GPR158: variants seen among roughly 807,000 people sequenced by gnomAD.
GPR158 encodes the protein G protein-coupled receptor 158.
Under a neutral mutation model 78.2 loss-of-function variants are expected in GPR158, and 30 were observed. That is an observed-to-expected ratio of 0.38 (90% confidence interval 0.29 to 0.52). GPR158 has a LOEUF of 0.52. Among genes scored for constraint, GPR158 ranks in the 20% least tolerant of loss-of-function variants. GPR158 has a pLI of 0.83. For synonymous variants in GPR158, 581 were observed against 591.1 expected, an observed-to-expected ratio of 0.98 and a Z score of 0.25; for missense variants, 1,463 against 1,523.5, an observed-to-expected ratio of 0.96 and a Z score of 0.66.
At chr10:25,493,449 G>A (rs1464049870) in intron 5 of GPR158, among the ~76,000 whole-genome samples, 4 of 152,022 alleles carry the variant, frequency 2.6e-5, no homozygotes, top group South Asian at 2.1e-4. Flanking sequence ...TTTTTAAAGC[G>A]TTCACTGACT....
chr10:25,575,444 G>T (rs573585697), intron 7 of GPR158, among the ~76,000 whole-genome samples: 1 of 152,084 alleles, frequency 6.6e-6, no homozygotes, highest in African/African-American at 2.4e-5. Context: ...CCCAGAACCC[G>T]CAGCAGCGGC....
intron 6 of GPR158, among the ~76,000 whole-genome samples, chr10:25,566,350 T>C (rs115083525): frequency 0.022 from 3,403 of 152,264 alleles, 57 homozygotes; most frequent in African/African-American, 0.039. Flanking sequence ...TCAATATTAT[T>C]CATCCCGGAC....
intron 2 of GPR158, among the ~76,000 whole-genome samples, chr10:25,378,752 C>T (rs530192320): frequency 4.6e-5 from 7 of 152,158 alleles, no homozygotes; most frequent in South Asian, 2.1e-4. Context: ...AAGATATCAG[C>T]ACCATTTAAC....
intron 5 of GPR158, among the ~76,000 whole-genome samples, chr10:25,509,215 A>G (rs988320466): frequency 2.0e-5 from 3 of 152,132 alleles, no homozygotes; most frequent in East Asian, 1.9e-4. Context: ...TGGGAGCACA[A>G]TCGCTTCTGA....
chr10:25,547,403 C>T lies in GPR158; in HGVS notation c.1405-3573C>T, dbSNP rs1387460185. ...GCTTTCTTTACATGATTCCTCTTGT[C>T]TTACTGGCTGTAACTATACGCTCCA... On this transcript the variant is annotated intron_variant, in intron 5 of 10. Transcript: ENST00000376351. Among the ~76,000 whole-genome samples, 10 of 152,258 alleles carry T rather than the reference C, an allele frequency of 6.6e-5. No homozygotes were observed. The South Asian group carries it at 8.3e-4, about 13-fold the overall frequency.
At chr10:25,381,923 G>A (rs1001227629) in intron 2 of GPR158, among the ~76,000 whole-genome samples, 1 of 152,162 alleles carries the variant, frequency 6.6e-6, no homozygotes, top group African/African-American at 2.4e-5. Flanking sequence ...TTTTGCTTGC[G>A]GGTTTTAAGC....
At chr10:25,447,952 C>G (rs765507261) in intron 4 of GPR158, among the ~76,000 whole-genome samples, 2 of 152,170 alleles carry the variant, frequency 1.3e-5, no homozygotes, top group Non-Finnish European at 2.9e-5. Flanking sequence ...GCAGTCAGTC[C>G]CACACCTCTC....
intron 1 of GPR158, among the ~76,000 whole-genome samples, chr10:25,219,499 C>T (rs958089499): frequency 2.0e-5 from 3 of 152,138 alleles, no homozygotes; most frequent in African/African-American, 7.2e-5. Context: ...GAATGATCAG[C>T]GTGTTTTCTG....
intron 2 of GPR158, among the ~76,000 whole-genome samples, chr10:25,232,239 G>T (rs187382730): frequency 2.6e-5 from 4 of 152,264 alleles, no homozygotes; most frequent in African/African-American, 9.6e-5. Flanking sequence ...TACAGTGAGT[G>T]CCTGAGGGTG....
At chr10:25,332,391 G>GGTTTAC (rs1564424618) in intron 2 of GPR158, among the ~76,000 whole-genome samples, 6 of 152,264 alleles carry the variant, frequency 3.9e-5, no homozygotes, top group Admixed American at 3.9e-4. Context: ...AGCCTATGAT[G>GGTTTAC]TTGGTTTACT....
rs779541090 is a variant in GPR158, at chr10:25,175,403, C to T, written c.-18C>T. On this transcript the variant is annotated 5_prime_UTR_variant, in exon 1 of 11. Coordinates refer to ENST00000376351, the MANE Select transcript of GPR158 (RefSeq NM_020752.3). This position sits in a 1 kb window ranked among gnomAD's most constrained non-coding sequence, Gnocchi z 6.4. ...ATTCCCCCCCCTCCCGTTCCCTCCTCTTCTCTCTGGGAGGCAGATGGGAGC... is the reference window on the plus strand; with the variant it reads ...ATTCCCCCCCCTCCCGTTCCCTCCTTTTCTCTCTGGGAGGCAGATGGGAGC... The T allele has an allele frequency of 1.7e-5, 25 of 1,477,164 alleles. No homozygotes were observed. The highest frequency in any genetic ancestry group is 2.2e-5 in the Non-Finnish European group (24 of 1,097,618). The allele number at this position is 1,477,164 out of a possible 1,614,324, so 91.5% of individuals were successfully genotyped here.
intron 2 of GPR158, among the ~76,000 whole-genome samples, chr10:25,384,773 T>G (rs1834200568): frequency 6.6e-6 from 1 of 152,112 alleles, no homozygotes; most frequent in Admixed American, 6.5e-5. Context: ...CAGTAATATC[T>G]CCATACAAAT....
intron 2 of GPR158, among the ~76,000 whole-genome samples, chr10:25,361,157 G>A (rs1000697300): frequency 6.6e-6 from 1 of 151,694 alleles, no homozygotes; most frequent in Non-Finnish European, 1.5e-5. Context: ...ATCTACTTTA[G>A]GTACCACAAA....
chr10:25,545,519 C>G (rs1399208340), intron 5 of GPR158, among the ~76,000 whole-genome samples: 1 of 152,126 alleles, frequency 6.6e-6, no homozygotes, highest in Non-Finnish European at 1.5e-5. Context: ...GGAAAAGTGT[C>G]TGTTCGTATC....
rs1855330065 is a variant in GPR158 at position 25,343,308 on chromosome 10, A to T, written c.1009-52603A>T. Among the ~76,000 whole-genome samples the T allele has an allele frequency of 5.3e-5, 8 of 152,072 alleles. No individual in the cohort carries two copies. In the South Asian group the frequency reaches 1.5e-3, roughly 28 times the overall value. On this transcript the variant is annotated intron_variant, in intron 2 of 10. Coordinates refer to ENST00000376351, the MANE Select transcript of GPR158 (RefSeq NM_020752.3). ...GGAAGAAAGTAAGCAGATGACTAAA[A>T]TCGGATAAGTTTCCTGATTCACTTA...
chr10:25,547,878 G>A (rs1836683073), intron 5 of GPR158, among the ~76,000 whole-genome samples: 1 of 152,156 alleles, frequency 6.6e-6, no homozygotes, highest in South Asian at 2.1e-4. Context: ...GCTTAATTTA[G>A]TGTCTAGCAT....
chr10:25,452,037 G>A (rs903537347), intron 4 of GPR158, among the ~76,000 whole-genome samples: 2 of 143,582 alleles, frequency 1.4e-5, no homozygotes, highest in African/African-American at 4.9e-5. Flanking sequence ...GTTTGGTTTG[G>A]TTTTTGTTTT....
intron 7 of GPR158, among the ~76,000 whole-genome samples, chr10:25,578,528 G>A (rs1220395872): frequency 1.3e-5 from 2 of 152,066 alleles, no homozygotes; most frequent in African/African-American, 4.8e-5. Flanking sequence ...GATAATTGCT[G>A]GCCATTTTAT....
chr10:25,351,616 A>G (rs1273753437), intron 2 of GPR158, among the ~76,000 whole-genome samples: 2 of 149,284 alleles, frequency 1.3e-5, no homozygotes, highest in Non-Finnish European at 3.0e-5. Context: ...TGGAAATTGA[A>G]TTTTTCATTT....
Sources: gnomAD v4.1 joint callset for allele counts (sites outside exome capture counted in the v4.1 genomes callset) on GRCh38, gnomAD v4.1.1 for gene constraint, Gnocchi (gnomAD v3.1) non-coding constraint, MANE v1.5 for transcripts, NCBI Gene and HGNC (gene_info 2026-07-23, HGNC 2026-07-21) for gene names.